KAZN: variants seen among roughly 807,000 people sequenced by gnomAD.
The protein encoded by KAZN is kazrin, periplakin interacting protein.
KAZN carries 40 observed loss-of-function variants against 87.4 expected under a neutral mutation model. The observed-to-expected ratio is 0.46, with a 90% confidence interval of 0.36 to 0.60. The LOEUF is 0.60. KAZN is among the 20% of genes least tolerant of loss of function. The probability of loss-of-function intolerance (pLI) is 0.00; values close to 1 mark genes in which losing one functional copy is unlikely to be tolerated. For missense variants in KAZN, 898 were observed against 1,073.9 expected, an observed-to-expected ratio of 0.84 and a Z score of 2.29; for synonymous variants, 466 against 458.3, an observed-to-expected ratio of 1.02 and a Z score of -0.22.
chr1:14,318,875 A>G (rs1468068119), intron 2 of KAZN, among the ~76,000 whole-genome samples: 2 of 151,852 alleles, frequency 1.3e-5, no homozygotes, highest in African/African-American at 4.8e-5. Flanking sequence ...GGTTCTTTAT[A>G]TATCTCCAAT....
At chr1:14,665,105 G>T (rs536304333) in intron 1 of KAZN, among the ~76,000 whole-genome samples, 1 of 152,010 alleles carries the variant, frequency 6.6e-6, no homozygotes, top group African/African-American at 2.4e-5. Context: ...TCTTTATTCC[G>T]CTGCCCCAAC....
intron 1 of KAZN, among the ~76,000 whole-genome samples, chr1:14,651,182 C>CT (rs1403574562): frequency 1.3e-5 from 2 of 152,242 alleles, no homozygotes; most frequent in African/African-American, 4.8e-5. Flanking sequence ...ACTTGCCATG[C>CT]TTGGCTCTGT....
intron 1 of KAZN, among the ~76,000 whole-genome samples, chr1:14,734,487 A>T (rs930852645): frequency 3.3e-5 from 5 of 151,654 alleles, no homozygotes; most frequent in Non-Finnish European, 7.4e-5. Context: ...TTTAATTATT[A>T]TTTTTAGTAG....
At chr1:15,031,046 T>C (rs1458402974) in intron 2 of KAZN, among the ~76,000 whole-genome samples, 1 of 152,164 alleles carries the variant, frequency 6.6e-6, no homozygotes, top group Non-Finnish European at 1.5e-5. Context: ...AGCTCTCTCA[T>C]GTACACAGGC....
At chr1:14,926,978 G>GA (rs1337296939) in intron 1 of KAZN, among the ~76,000 whole-genome samples, 4 of 152,204 alleles carry the variant, frequency 2.6e-5, no homozygotes, top group Non-Finnish European at 5.9e-5. Context: ...AATGTCCTGA[G>GA]ATCGGCAGGT....
chr1:14,595,387 C>G (rs911233840), upstream of KAZN, among the ~76,000 whole-genome samples: 3 of 151,990 alleles, frequency 2.0e-5, no homozygotes, highest in Admixed American at 6.6e-5. Context: ...GGATAAGAAA[C>G]GTAGACCCGG....
At chr1:14,264,048 G>T (rs1339456585) in intron 2 of KAZN, among the ~76,000 whole-genome samples, 1 of 152,110 alleles carries the variant, frequency 6.6e-6, no homozygotes, top group African/African-American at 2.4e-5. Context: ...AAATTTAGTG[G>T]CTTAAAACAG....
In KAZN at chr1:14,937,724, G is replaced by T. The variant is rs117996941; in HGVS notation, c.227-22960G>T. 1.8e-3 allele frequency among the ~76,000 whole-genome samples: 277 copies of T among 152,380 alleles called. 5 individuals carry two copies. In the East Asian group the frequency reaches 0.042, roughly 23 times the overall value. Reference sequence around the variant, plus strand: ...GAGCACGCTGAGGTCAGCAACAGCAGCTGGTGTTTTGGGTGCTCCAGACGG... The same window carrying T: ...GAGCACGCTGAGGTCAGCAACAGCATCTGGTGTTTTGGGTGCTCCAGACGG... On this transcript the variant is annotated intron_variant, in intron 1 of 14. Transcript: ENST00000376030.
chr1:14,961,495 C>T (rs1663863124), intron 2 of KAZN, among the ~76,000 whole-genome samples: 1 of 152,124 alleles, frequency 6.6e-6, no homozygotes, highest in Non-Finnish European at 1.5e-5. Flanking sequence ...GACCCACATC[C>T]CTCTCTCCCG....
chr1:14,952,413 T>C (rs1250526908), intron 1 of KAZN, among the ~76,000 whole-genome samples: 2 of 152,220 alleles, frequency 1.3e-5, no homozygotes, highest in East Asian at 3.9e-4. Context: ...ATTGGTTGTG[T>C]ATCTGGATTT....
chr1:14,733,182 C>T (rs1304223802), intron 1 of KAZN, among the ~76,000 whole-genome samples: 3 of 152,092 alleles, frequency 2.0e-5, no homozygotes, highest in Admixed American at 6.5e-5. Flanking sequence ...GACTTTCCGC[C>T]CACTGCCCCA....
chr1:14,200,990 C>T (rs1483213407), intron 2 of KAZN, among the ~76,000 whole-genome samples: 3 of 152,176 alleles, frequency 2.0e-5, no homozygotes, highest in African/African-American at 2.4e-5. Flanking sequence ...CCCAACACAC[C>T]TGTGCTTCTT....
At chr1:14,813,707 A>T (rs1216561266) in intron 1 of KAZN, among the ~76,000 whole-genome samples, 1 of 152,224 alleles carries the variant, frequency 6.6e-6, no homozygotes, top group East Asian at 1.9e-4. Context: ...AGTTGTCAGC[A>T]TCAAATTCAA....
chr1:14,473,291 A>G (rs1400061540), intron 2 of KAZN, among the ~76,000 whole-genome samples: 3 of 152,234 alleles, frequency 2.0e-5, no homozygotes, highest in Admixed American at 6.5e-5. Flanking sequence ...TCTAATTTAA[A>G]TGGGTAGCTT....
intron 8 of KAZN, among the ~76,000 whole-genome samples, chr1:15,091,505 C>T (rs989415649): frequency 2.0e-5 from 3 of 152,140 alleles, no homozygotes; most frequent in Non-Finnish European, 2.9e-5. Flanking sequence ...CTACCACGCC[C>T]ACGCCGGGAT....
At chr1:13,926,687 G>T (rs1640292423) in intron 1 of KAZN, among the ~76,000 whole-genome samples, 1 of 151,578 alleles carries the variant, frequency 6.6e-6, no homozygotes, top group South Asian at 2.1e-4. Context: ...GAACTTCAGT[G>T]CATGACAGCC....
chr1:13,936,510 A>G (rs746638349), intron 1 of KAZN, among the ~76,000 whole-genome samples: 2 of 151,558 alleles, frequency 1.3e-5, no homozygotes, highest in Admixed American at 6.6e-5. Flanking sequence ...TAATTTTTCA[A>G]CCCTTACCTC....
intron 1 of KAZN, among the ~76,000 whole-genome samples, chr1:13,926,467 C>T (rs1459473041): frequency 3.3e-5 from 5 of 152,138 alleles, no homozygotes; most frequent in African/African-American, 9.7e-5. Flanking sequence ...CTGAGTCACC[C>T]GATGGCTTCC....
intron 14 of KAZN, chr1:15,113,604 T>C (rs1422264974): frequency 1.3e-5 from 2 of 152,122 alleles, no homozygotes; most frequent in African/African-American, 4.8e-5. Flanking sequence ...TCACTATTCA[T>C]CAAGTACATC....
Sources: allele counts gnomAD v4.1 joint callset (sites outside exome capture counted in the v4.1 genomes callset), GRCh38; gene constraint gnomAD v4.1.1; transcripts MANE v1.5; gene names NCBI Gene and HGNC (gene_info 2026-07-23, HGNC 2026-07-21).